The following DACH2 variants were observed in gnomAD, a reference collection of about 807,000 sequenced individuals.
DACH2 encodes the protein dachshund homolog 2.
Under a neutral mutation model 35.8 loss-of-function variants are expected in DACH2, and 17 were observed. The observed-to-expected ratio is 0.48, with a 90% confidence interval of 0.33 to 0.71. The LOEUF is 0.71. Ranked by LOEUF, DACH2 falls within the 30% of genes least tolerant of loss-of-function variation. The pLI is 0.02. For missense variants in DACH2, 469 were observed against 472.7 expected, an observed-to-expected ratio of 0.99 and a Z score of 0.07; for synonymous variants, 195 against 177.3, an observed-to-expected ratio of 1.10 and a Z score of -0.79.
At chrX:86,443,507 T>A (rs2037206111) in intron 2 of DACH2, among the ~76,000 whole-genome samples, 1 of 104,343 alleles carries the variant, frequency 9.6e-6, no homozygotes, top group Admixed American at 1.0e-4. Flanking sequence ...TGAATGAATT[T>A]TTTTTTTTTT....
At chrX:86,450,917 G>T (rs1406123560) in intron 2 of DACH2, among the ~76,000 whole-genome samples, 1 of 110,755 alleles carries the variant, frequency 9.0e-6, no homozygotes, top group Non-Finnish European at 1.9e-5. Flanking sequence ...TCATGGGGTT[G>T]TTTTTTTCTT....
chrX:86,646,922 C>T (rs983659178), intron 3 of DACH2, among the ~76,000 whole-genome samples: 4 of 108,677 alleles, frequency 3.7e-5, no homozygotes, highest in Non-Finnish European at 7.7e-5. Context: ...TATGAAAAAA[C>T]ATGTTCAACA....
intron 1 of DACH2, among the ~76,000 whole-genome samples, chrX:86,236,140 A>C (rs1264739117): frequency 2.7e-5 from 3 of 111,567 alleles, no homozygotes; most frequent in Non-Finnish European, 5.6e-5. Flanking sequence ...TCAAAAAAAA[A>C]AATATAGATA....
In DACH2 at chrX:86,376,896, C is replaced by T. The variant is rs776807574; in HGVS notation, c.527+34C>T. The T allele has an allele frequency of 4.9e-6, 3 of 610,739 alleles. No individual in the cohort carries two copies. The East Asian group carries it at 1.1e-4, about 22-fold the overall frequency. 50.3% of individuals were successfully genotyped at this position (610,739 alleles called of 1,213,427 possible). ...GTATTTATTTTTTAAAAATCAAATT[C>T]CTGAGAATGTCCTGGAGCCTGTACA... On this transcript the variant is annotated intron_variant, in intron 2 of 11. Coordinates refer to ENST00000373125, the MANE Select transcript of DACH2 (RefSeq NM_053281.3).
chrX:86,498,956 G>C lies in DACH2; in HGVS notation c.528-15323G>C, dbSNP rs772359846. 2.2e-3 allele frequency among the ~76,000 whole-genome samples: 244 copies of C among 111,815 alleles called. 1 individual carries two copies. Among genetic ancestry groups the C allele is most frequent in the African/African-American group, 7.7e-3 (237 of 30,849 alleles). ...AATGTTGTTTCTGGTTATAGAAGCT[G>C]ATTACTTAGCTGCTTTGTATTTCTT... On this transcript the variant is annotated intron_variant, in intron 2 of 11. Transcript: ENST00000373125.
At chrX:86,462,919 G>A in intron 2 of DACH2, among the ~76,000 whole-genome samples, 1 of 111,440 alleles carries the variant, frequency 9.0e-6, no homozygotes, top group Middle Eastern at 4.7e-3. Flanking sequence ...ATGACACTAA[G>A]TTATAGCAAG....
intron 11 of DACH2, chrX:86,831,630 AC>A (rs1350741136): frequency 9.0e-6 from 1 of 111,024 alleles, no homozygotes; most frequent in Admixed American, 9.7e-5. Flanking sequence ...TGTAGCTGAA[AC>A]GATATTCCAA....
intron 3 of DACH2, among the ~76,000 whole-genome samples, chrX:86,617,000 A>G (rs1235442813): frequency 8.9e-6 from 1 of 112,305 alleles, no homozygotes; most frequent in Non-Finnish European, 1.9e-5. Context: ...CAGTTATCGC[A>G]GCACCAATCA....
At chrX:86,613,027 T>G (rs765026748) in intron 3 of DACH2, among the ~76,000 whole-genome samples, 1 of 112,437 alleles carries the variant, frequency 8.9e-6, no homozygotes, top group African/African-American at 3.2e-5. Flanking sequence ...ATGTTGTTTT[T>G]CTGGCTAAAT....
intron 3 of DACH2, among the ~76,000 whole-genome samples, chrX:86,615,782 T>G (rs1374459209): frequency 9.0e-6 from 1 of 111,014 alleles, no homozygotes; most frequent in Non-Finnish European, 1.9e-5. Flanking sequence ...TTATTTTATT[T>G]TATTTCAGGT....
chrX:86,545,264 A>G (rs1253575846), intron 3 of DACH2, among the ~76,000 whole-genome samples: 1 of 112,088 alleles, frequency 8.9e-6, no homozygotes, highest in Non-Finnish European at 1.9e-5. Flanking sequence ...ACATGGATGG[A>G]GTTGGTGACC....
intron 1 of DACH2, among the ~76,000 whole-genome samples, chrX:86,340,491 C>A (rs2035394568): frequency 9.0e-6 from 1 of 110,891 alleles, no homozygotes; most frequent in African/African-American, 3.3e-5. Flanking sequence ...TATCTCTCCC[C>A]CTCTCCTTGG....
chrX:86,320,424 A>T (rs2034994497), intron 1 of DACH2, among the ~76,000 whole-genome samples: 1 of 111,793 alleles, frequency 8.9e-6, no homozygotes, highest in Non-Finnish European at 1.9e-5. Flanking sequence ...AGTCACATTT[A>T]GTTTCTTCAG....
chrX:86,718,411 A>T (rs1223663706), intron 6 of DACH2, among the ~76,000 whole-genome samples: 2 of 111,122 alleles, frequency 1.8e-5, no homozygotes, highest in African/African-American at 6.5e-5. Flanking sequence ...TGCAAATATT[A>T]TCTCCCATTC....
intron 2 of DACH2, among the ~76,000 whole-genome samples, chrX:86,413,723 C>T (rs1387552124): frequency 9.0e-6 from 1 of 111,057 alleles, no homozygotes; most frequent in Non-Finnish European, 1.9e-5. Context: ...AGACCTCACC[C>T]TACCAGTCAG....
chrX:86,547,038 A>G (rs1312620116), intron 3 of DACH2, among the ~76,000 whole-genome samples: 2 of 110,970 alleles, frequency 1.8e-5, no homozygotes, highest in Admixed American at 1.9e-4. Flanking sequence ...CCACTATACC[A>G]GTAAAGTGTA....
chrX:86,629,882 A>G (rs939037336), intron 3 of DACH2, among the ~76,000 whole-genome samples: 1 of 111,427 alleles, frequency 9.0e-6, no homozygotes, highest in African/African-American at 3.3e-5. Context: ...CTCAAAAATA[A>G]TAATAATAAT....
intron 5 of DACH2, among the ~76,000 whole-genome samples, chrX:86,699,316 C>T (rs936321604): frequency 8.9e-6 from 1 of 112,295 alleles, no homozygotes; most frequent in Non-Finnish European, 1.9e-5. Context: ...TCCATTTTCA[C>T]ACTGCTAGTA....
At position 86,793,037 on chromosome X, in the gene DACH2, A is replaced by AT. The variant is rs921304951; in HGVS notation, c.1241-19810dup. Among the ~76,000 whole-genome samples, 21 of 108,812 alleles carry AT rather than the reference A, an allele frequency of 1.9e-4. 1 individual carries two copies. Among genetic ancestry groups the AT allele is most frequent in the Middle Eastern group, 9.6e-3 (2 of 208 alleles). The allele number at this position is 108,812 out of a possible 115,157, so 94.5% of individuals were successfully genotyped here. A position where few individuals can be genotyped will look rare whatever the true frequency, so the allele number is the denominator to read the frequency against. On this transcript the variant is annotated intron_variant, in intron 7 of 11. Coordinates refer to ENST00000373125, the MANE Select transcript of DACH2 (RefSeq NM_053281.3). ...CTCCACATCTTCTCCAGCATCTGTTATTTTTTTTTCTTTTTAACAATAGCC... is the reference window on the plus strand; with the variant it reads ...CTCCACATCTTCTCCAGCATCTGTTATTTTTTTTTTCTTTTTAACAATAGCC...
Sources: gnomAD v4.1 joint callset for allele counts (sites outside exome capture counted in the v4.1 genomes callset) on GRCh38, gnomAD v4.1.1 for gene constraint, MANE v1.5 for transcripts, NCBI Gene and HGNC (gene_info 2026-07-23, HGNC 2026-07-21) for gene names.